The following ATXN1 variants were observed in gnomAD, a reference collection of about 807,000 sequenced individuals.
The protein encoded by ATXN1 is ataxin 1.
A neutral mutation model predicts 56.4 loss-of-function variants in ATXN1; 8 were observed. The ratio of observed to expected loss-of-function variants is 0.14; its 90% CI spans 0.08 to 0.26. The LOEUF (loss-of-function observed/expected upper bound fraction) is 0.26, where lower values mean the gene tolerates loss of function less well. Among genes scored for constraint, ATXN1 ranks in the 10% least tolerant of loss-of-function variants. The pLI, the probability that ATXN1 is intolerant of heterozygous loss-of-function variation, is 1.00. For missense variants in ATXN1, 987 were observed against 1,106.5 expected, an observed-to-expected ratio of 0.89 and a Z score of 1.53; for synonymous variants, 514 against 494.6, an observed-to-expected ratio of 1.04 and a Z score of -0.52.
chr6:16,381,104 A>G (rs1758099577), intron 6 of ATXN1, among the ~76,000 whole-genome samples: 1 of 152,174 alleles, frequency 6.6e-6, no homozygotes, highest in Non-Finnish European at 1.5e-5. Flanking sequence ...AGTCTAGCCA[A>G]CATGGTGAAA....
In ATXN1 at chr6:16,469,197, T is replaced by C. The variant is rs150092675; in HGVS notation, c.-161+16775A>G. Among the ~76,000 whole-genome samples the C allele has an allele frequency of 3.4e-3, 520 of 152,334 alleles. 1 individual carries two copies. Among genetic ancestry groups the C allele is most frequent in the Non-Finnish European group, 5.5e-3 (373 of 68,028 alleles). ...ATTGAAAGTTGTCTGTGACATTCTA[T>C]TAGGGCCTGAAAAACCAACAGCAAT... On this transcript the variant is annotated intron_variant, in intron 6 of 7. Transcript: ENST00000436367.
chr6:16,336,695 C>T (rs187086833), intron 6 of ATXN1, among the ~76,000 whole-genome samples: 13 of 152,268 alleles, frequency 8.5e-5, no homozygotes, highest in African/African-American at 2.2e-4. Context: ...CCCCTGAGTC[C>T]GTGGCAGCCA....
chr6:16,690,465 G>C (rs1381919143), intron 2 of ATXN1, among the ~76,000 whole-genome samples: 1 of 151,936 alleles, frequency 6.6e-6, no homozygotes, highest in African/African-American at 2.4e-5. Context: ...TTTTCCAGCA[G>C]TTCCTCATTC....
rs1407541307 is a variant in ATXN1 at position 16,699,555 on chromosome 6, G to A, written c.-614-41654C>T. Among the ~76,000 whole-genome samples the A allele has an allele frequency of 2.6e-5, 4 of 152,160 alleles. No homozygotes were observed. In the East Asian group the frequency reaches 7.7e-4, roughly 29 times the overall value. On this transcript the variant is annotated intron_variant, in intron 2 of 7. Coordinates refer to ENST00000436367, the MANE Select transcript of ATXN1 (RefSeq NM_001128164.2). ...TCACAGCTTTACCTTTGACTCATCAGAGTGAGGTCTGAAAACTGTTTGTGG... is the reference window on the plus strand; with the variant it reads ...TCACAGCTTTACCTTTGACTCATCAAAGTGAGGTCTGAAAACTGTTTGTGG...
intron 2 of ATXN1, among the ~76,000 whole-genome samples, chr6:16,728,050 T>C (rs1024065005): frequency 2.6e-5 from 4 of 152,158 alleles, no homozygotes; most frequent in Non-Finnish European, 4.4e-5. Context: ...GCTGTGAGGA[T>C]TACAGAGATT....
At chr6:16,665,587 C>T (rs1758408199) in intron 2 of ATXN1, among the ~76,000 whole-genome samples, 1 of 152,184 alleles carries the variant, frequency 6.6e-6, no homozygotes, top group South Asian at 2.1e-4. Flanking sequence ...GCTGACCAGG[C>T]AGACATTCTA....
chr6:16,612,735 A>G (rs562298902), intron 3 of ATXN1, among the ~76,000 whole-genome samples: 6 of 152,110 alleles, frequency 3.9e-5, no homozygotes, highest in Admixed American at 1.3e-4. Flanking sequence ...TACTAAAAAT[A>G]CAAAAATTAG....
intron 3 of ATXN1, among the ~76,000 whole-genome samples, chr6:16,600,780 T>C (rs939824853): frequency 4.6e-5 from 7 of 152,244 alleles, no homozygotes; most frequent in African/African-American, 1.7e-4. Flanking sequence ...ACAAGTTTAA[T>C]CACCTATAAG....
Position 16,496,033 on chromosome 6 carries a change from C to A in ATXN1, c.-298-9924G>T, listed in dbSNP as rs570858965. ...CCATAATAATATTACGTCAACAGCA[C>A]TCATTTTCTTTTTGGTCTACTTGTT... On this transcript the variant is annotated intron_variant, in intron 5 of 7. Transcript: ENST00000436367. 2.0e-5 allele frequency among the ~76,000 whole-genome samples: 3 copies of A among 152,286 alleles called. No homozygotes were observed. The East Asian group carries it at 5.8e-4, about 29-fold the overall frequency.
intron 2 of ATXN1, among the ~76,000 whole-genome samples, chr6:16,727,425 G>A (rs2113479187): frequency 6.6e-6 from 1 of 152,130 alleles, no homozygotes; most frequent in South Asian, 2.1e-4. Flanking sequence ...CTCAGTAACT[G>A]GGCTCAGAGA....
chr6:16,358,682 C>G (rs1174366712), intron 6 of ATXN1, among the ~76,000 whole-genome samples: 4 of 152,204 alleles, frequency 2.6e-5, no homozygotes, highest in Non-Finnish European at 2.9e-5. Flanking sequence ...CCGCGTGCCA[C>G]TGCAGCCACC....
chr6:16,742,883 C>T (rs562519109), intron 2 of ATXN1, among the ~76,000 whole-genome samples: 1 of 152,270 alleles, frequency 6.6e-6, no homozygotes, highest in East Asian at 1.9e-4. Flanking sequence ...TCTAACCAAC[C>T]AACCTCACTT....
intron 4 of ATXN1, among the ~76,000 whole-genome samples, chr6:16,545,593 A>C (rs186554629): frequency 6.6e-6 from 1 of 152,350 alleles, no homozygotes; most frequent in Admixed American, 6.5e-5. Flanking sequence ...GCAAGGCTGC[A>C]AACTATTCAA....
chr6:16,563,341 C>T (rs567583950), intron 4 of ATXN1, among the ~76,000 whole-genome samples: 1 of 152,194 alleles, frequency 6.6e-6, no homozygotes, highest in South Asian at 2.1e-4. Context: ...GTTTGGGGGC[C>T]TCTAAGCAGC....
At chr6:16,336,247 G>A (rs371281726) in intron 6 of ATXN1, among the ~76,000 whole-genome samples, 4 of 152,116 alleles carry the variant, frequency 2.6e-5, no homozygotes, top group South Asian at 2.1e-4. Context: ...ACCATGATGC[G>A]GGTTACACTC....
At chr6:16,715,996 C>T (rs541252917) in intron 2 of ATXN1, among the ~76,000 whole-genome samples, 5 of 152,314 alleles carry the variant, frequency 3.3e-5, no homozygotes, top group African/African-American at 1.2e-4. Context: ...AACTCAATCT[C>T]CTTTGAGACA....
In ATXN1 at chr6:16,304,663, G is replaced by C. The variant is rs1760193083; in HGVS notation, c.*1666C>G. ...TCAAAGGAACATAACCTTATAAAAT[G>C]GCCTAGAGTTTAGGCAGGTTAGAAA... On this transcript the variant is annotated 3_prime_UTR_variant, in exon 8 of 8. Transcript: ENST00000436367. 6.6e-6 allele frequency: 1 copy of C among 152,496 alleles called. No homozygotes were observed. Among genetic ancestry groups the C allele is most frequent in the African/African-American group, 2.4e-5 (1 of 41,410 alleles). The allele number at this position is 152,496 out of a possible 1,614,324, so 9.4% of individuals were successfully genotyped here. A position where few individuals can be genotyped will look rare whatever the true frequency, so the allele number is the denominator to read the frequency against.
chr6:16,321,969 C>G (rs558027602), intron 7 of ATXN1, among the ~76,000 whole-genome samples: 2 of 152,332 alleles, frequency 1.3e-5, no homozygotes, highest in South Asian at 2.1e-4. Context: ...CGCCTATAAT[C>G]CCAGCATTTT....
At chr6:16,664,755 ATTT>A (rs578013079) in intron 2 of ATXN1, among the ~76,000 whole-genome samples, 296 of 152,118 alleles carry the variant, frequency 1.9e-3, no homozygotes, top group South Asian at 5.8e-3. Flanking sequence ...TCCTCAATAA[ATTT>A]TAAGAGTATA....
Sources: allele counts gnomAD v4.1 joint callset (sites outside exome capture counted in the v4.1 genomes callset), GRCh38; gene constraint gnomAD v4.1.1; transcripts MANE v1.5; gene names NCBI Gene and HGNC (gene_info 2026-07-23, HGNC 2026-07-21).